Variants in CFAP61 observed in about 807,000 individuals in gnomAD.
CFAP61 encodes the protein cilia- and flagella-associated protein 61.
Under a neutral mutation model 135.6 loss-of-function variants are expected in CFAP61, and 107 were observed. The ratio of observed to expected loss-of-function variants is 0.79; its 90% CI spans 0.67 to 0.93. The LOEUF (loss-of-function observed/expected upper bound fraction) is 0.93, where lower values mean the gene tolerates loss of function less well. Ranked by LOEUF, CFAP61 falls within the 40% of genes least tolerant of loss-of-function variation. The pLI is 0.00. For missense variants in CFAP61, 1,507 were observed against 1,556.2 expected (o/e 0.97, Z 0.53); for synonymous variants, 575 against 578.5 (o/e 0.99, Z 0.09).
intron 18 of CFAP61, among the ~76,000 whole-genome samples, chr20:20,241,388 G>C (rs1186501172): frequency 6.6e-6 from 1 of 152,182 alleles, no homozygotes; most frequent in Non-Finnish European, 1.5e-5. Context: ...AAGAAAAAGA[G>C]TGGAAACCTG....
intron 18 of CFAP61, among the ~76,000 whole-genome samples, chr20:20,242,570 C>T (rs1014687448): frequency 2.0e-5 from 3 of 152,198 alleles, no homozygotes; most frequent in African/African-American, 7.2e-5. Context: ...AGCTTTGTAA[C>T]CTTGAACAAA....
At chr20:20,112,867 C>T (rs2146673549) in intron 8 of CFAP61, among the ~76,000 whole-genome samples, 1 of 152,262 alleles carries the variant, frequency 6.6e-6, no homozygotes, top group South Asian at 2.1e-4. Context: ...TCCTTATTCT[C>T]ATTGTAGTTA....
chr20:20,075,679 CTT>C (rs2045999019), intron 6 of CFAP61, 64 bp downstream of exon 6: 3 of 1,566,848 alleles, frequency 1.9e-6, no homozygotes, highest in Admixed American at 1.8e-5. Context: ...TCCCAAGACT[CTT>C]TAAACTACCA....
rs1302025496 is a variant in CFAP61, at chr20:20,359,028, A to T, written c.3514-1182A>T. 6.6e-6 allele frequency among the ~76,000 whole-genome samples: 1 copy of T among 152,192 alleles called. No homozygotes were observed. Among genetic ancestry groups the T allele is most frequent in the East Asian group, 1.9e-4 (1 of 5,186 alleles). The stretch of plus-strand genomic sequence containing the variant: ...TCTGGAGGGCAGATATGCAGTGGTG[A>T]AGCAAATATAGCAGATGTTAACTGT... On this transcript the variant is annotated intron_variant, in intron 26 of 26. Transcript: ENST00000245957. The surrounding 1 kb of genome is among the most constrained non-coding windows in gnomAD (Gnocchi z 4.0).
At chr20:20,352,596 C>G (rs973222400) in intron 26 of CFAP61, among the ~76,000 whole-genome samples, 1 of 152,044 alleles carries the variant, frequency 6.6e-6, no homozygotes, top group Non-Finnish European at 1.5e-5. Flanking sequence ...AAGGACAGTC[C>G]CTCCAATAAA....
rs1263519644 is a variant in CFAP61, at chr20:20,262,975, C to T, written c.2348C>T (p.Ala783Val). 3 of 1,613,234 alleles carry T rather than the reference C, an allele frequency of 1.9e-6. No individual in the cohort carries two copies. Among genetic ancestry groups the T allele is most frequent in the Non-Finnish European group, 2.5e-6 (3 of 1,179,570 alleles). Residue 783 changes from alanine (A) to valine (V), a missense_variant, in exon 21 of 27, where the codon GCT becomes GTT. Ala to Val is a moderately conservative substitution (Grantham distance 64, BLOSUM62 0). Transcript: ENST00000245957. ...CTTCAGGTCCCATGCCCTACAGAGG[C>T]TGATATTAGTCAACACCTGACAAAC... Reference protein sequence around the residue: ...QQYQVPCPTEADISQHLTNRE... With the variant: ...QQYQVPCPTEVDISQHLTNRE...
At chr20:20,335,908 C>T (rs530784886) in intron 25 of CFAP61, among the ~76,000 whole-genome samples, 9 of 152,326 alleles carry the variant, frequency 5.9e-5, no homozygotes, top group Middle Eastern at 3.4e-3. Context: ...TTACACAGAA[C>T]TATGGGTAGG....
At chr20:20,277,884 G>A (rs1222907126) in intron 22 of CFAP61, among the ~76,000 whole-genome samples, 1 of 152,182 alleles carries the variant, frequency 6.6e-6, no homozygotes, top group East Asian at 1.9e-4. Flanking sequence ...GCCCCTTCAT[G>A]GGACTGGCTT....
intron 21 of CFAP61, among the ~76,000 whole-genome samples, chr20:20,270,618 C>T (rs1250793470): frequency 6.6e-6 from 1 of 151,744 alleles, no homozygotes; most frequent in Non-Finnish European, 1.5e-5. Context: ...GATGATGAAA[C>T]TGGCATTTTT....
In CFAP61 at chr20:20,170,978, A is replaced by G. The variant is rs74469758; in HGVS notation, c.1385+1518A>G. ...CTCACAGTGACCTAATTAGTTAGGT[A>G]TCATTATTATCCTCATTTCACAGGT... On this transcript the variant is annotated intron_variant, in intron 13 of 26. Transcript: ENST00000245957. Among the ~76,000 whole-genome samples, 1,219 of 152,276 alleles carry G rather than the reference A, an allele frequency of 8.0e-3. 11 individuals carry two copies. Among genetic ancestry groups the G allele is most frequent in the Middle Eastern group, 0.034 (10 of 294 alleles).
intron 17 of CFAP61, chr20:20,221,062 G>GC (rs1237334684): frequency 6.6e-6 from 1 of 152,178 alleles, no homozygotes. Context: ...CACCCCCAGA[G>GC]AAGTCATTTC....
chr20:20,304,272 C>CTGTGTGTG (rs532157100), intron 25 of CFAP61, among the ~76,000 whole-genome samples: 10,817 of 102,406 alleles, frequency 0.11, 666 homozygotes, highest in Middle Eastern at 0.23. Context: ...CCATCGGTGA[C>CTGTGTGTG]TGTGTGTGTG....
At chr20:20,298,088 CTGTT>C (rs1443506929) in intron 24 of CFAP61, 89 bp from the exon 25 acceptor site, 2 of 821,084 alleles carry the variant, frequency 2.4e-6, no homozygotes, top group Non-Finnish European at 4.1e-6. Flanking sequence ...TATAACCTGT[CTGTT>C]ATATTTGAAA....
Position 20,271,444 on chromosome 20 carries a change from G to A in CFAP61, c.2504-5722G>A, listed in dbSNP as rs1014800519. On this transcript the variant is annotated intron_variant, in intron 21 of 26. Coordinates refer to ENST00000245957, the MANE Select transcript of CFAP61 (RefSeq NM_015585.4). ...ATCACTTTCCGTCTCTCTCTCCCCT[G>A]TTGGGCTGTTGACGCTGACACCCTC... Among the ~76,000 whole-genome samples, 6 of 152,290 alleles carry A rather than the reference G, an allele frequency of 3.9e-5. No homozygotes were observed. The East Asian group carries it at 1.2e-3, about 29-fold the overall frequency.
chr20:20,073,864 A>G (rs991302589), intron 3 of CFAP61: 2 of 157,018 alleles, frequency 1.3e-5, no homozygotes, highest in African/African-American at 4.8e-5. Flanking sequence ...TTTCAAATTC[A>G]TAAGAGCATC....
intron 25 of CFAP61, among the ~76,000 whole-genome samples, chr20:20,301,512 T>C (rs879809154): frequency 1.3e-5 from 2 of 152,226 alleles, no homozygotes; most frequent in Non-Finnish European, 2.9e-5. Context: ...AGAGCTCCTC[T>C]TGCTCCACAG....
intron 10 of CFAP61, among the ~76,000 whole-genome samples, chr20:20,162,380 A>G (rs2053477499): frequency 6.6e-6 from 1 of 152,318 alleles, no homozygotes; most frequent in Non-Finnish European, 1.5e-5. Context: ...AATACAGAAT[A>G]TTGGAGAACT....
At position 20,191,372 on chromosome 20, in the gene CFAP61, G is replaced by A; in HGVS notation, c.1543G>A (p.Glu515Lys). ...DGTLLQAFVA[E>K]VAEQIVGIAV... is the part of the protein sequence containing the mutation. ...AACACTGCTGCAGGCATTTGTAGCT[G>A]AAGTTGCAGAACAAATAGTTGGTAT... The change falls in exon 15 of 27, where the codon GAA becomes AAA. Residue 515 changes from glutamate (E) to lysine (K), a missense_variant. Physicochemically the swap from Glu to Lys is moderately conservative, Grantham distance 56. Transcript: ENST00000245957. The A allele has an allele frequency of 6.2e-7, 1 of 1,613,324 alleles. No individual in the cohort carries two copies. The highest frequency in any genetic ancestry group is 8.5e-7 in the Non-Finnish European group (1 of 1,179,518).
intron 26 of CFAP61, among the ~76,000 whole-genome samples, chr20:20,348,594 G>A (rs2058714635): frequency 6.8e-6 from 1 of 147,944 alleles, no homozygotes; most frequent in African/African-American, 2.5e-5. Flanking sequence ...CAAGGCTGAG[G>A]CAGGAGAATC....
Sources: allele counts gnomAD v4.1 joint callset (sites outside exome capture counted in the v4.1 genomes callset), GRCh38; gene constraint gnomAD v4.1.1; non-coding constraint Gnocchi (gnomAD v3.1); transcripts MANE v1.5; gene names NCBI Gene and HGNC (gene_info 2026-07-23, HGNC 2026-07-21).